ERC2: variants seen among roughly 807,000 people sequenced by gnomAD.
The protein encoded by ERC2 is ERC protein 2.
ERC2 carries 42 observed loss-of-function variants against 114.8 expected under a neutral mutation model. That is an observed-to-expected ratio of 0.37 (90% CI 0.29 to 0.47). The LOEUF (loss-of-function observed/expected upper bound fraction) is 0.47, where lower values mean the gene tolerates loss of function less well. Among genes scored for constraint, ERC2 ranks in the 20% least tolerant of loss-of-function variants. The probability of loss-of-function intolerance (pLI) is 0.99; values close to 1 mark genes in which losing one functional copy is unlikely to be tolerated. For synonymous variants in ERC2, 454 were observed against 425.5 expected (o/e 1.07, Z -0.82); for missense variants, 939 against 1,150.7 (o/e 0.82, Z 2.66).
At chr3:56,220,802 G>A (rs2049851385) in intron 3 of ERC2, among the ~76,000 whole-genome samples, 1 of 152,112 alleles carries the variant, frequency 6.6e-6, no homozygotes, top group African/African-American at 2.4e-5. Flanking sequence ...GTACACATCT[G>A]GTATTTCCTA....
chr3:56,150,010 T>C (rs2081336970), intron 4 of ERC2, among the ~76,000 whole-genome samples: 1 of 152,172 alleles, frequency 6.6e-6, no homozygotes, highest in Non-Finnish European at 1.5e-5. Flanking sequence ...ACAGTAAGTA[T>C]TAGGCTTCAA....
At chr3:56,173,673 T>G in intron 3 of ERC2, 153 bp from the exon 4 acceptor site, 1 of 624,414 alleles carries the variant, frequency 1.6e-6, no homozygotes, top group South Asian at 2.1e-5. Flanking sequence ...CTCTTTAGCA[T>G]CCCTCCTGCC....
chr3:56,368,297 G>T (rs551810963), intron 2 of ERC2, among the ~76,000 whole-genome samples: 1 of 151,284 alleles, frequency 6.6e-6, no homozygotes, highest in South Asian at 2.1e-4. Context: ...CAGACTATTT[G>T]CCACCTCTTT....
rs191594526 is a variant in ERC2 at position 56,381,558 on chromosome 3, T to C, written c.657+52793A>G. Among the ~76,000 whole-genome samples the C allele has an allele frequency of 1.6e-4, 24 of 151,894 alleles. No individual in the cohort carries two copies. The East Asian group carries it at 4.5e-3, about 28-fold the overall frequency. On this transcript the variant is annotated intron_variant, in intron 2 of 17. Coordinates refer to ENST00000288221, the MANE Select transcript of ERC2 (RefSeq NM_015576.3). Reference sequence around the variant, plus strand: ...GTTGTAATTTACTTTTAAAAAAAAATATGTTAGCCAGTTGCAGAGAATAGA... The same window carrying C: ...GTTGTAATTTACTTTTAAAAAAAAACATGTTAGCCAGTTGCAGAGAATAGA...
At chr3:56,301,270 A>C (rs2055856940) in intron 2 of ERC2, among the ~76,000 whole-genome samples, 1 of 152,212 alleles carries the variant, frequency 6.6e-6, no homozygotes, top group African/African-American at 2.4e-5. Flanking sequence ...TTTAGTGTTC[A>C]AAATTTTCTC....
At chr3:55,918,794 T>G (rs1224232477) in intron 13 of ERC2, among the ~76,000 whole-genome samples, 1 of 150,700 alleles carries the variant, frequency 6.6e-6, no homozygotes, top group African/African-American at 2.4e-5. Context: ...CATTCACTCA[T>G]TCTAGACATC....
chr3:56,024,652 G>A (rs1330992518), intron 7 of ERC2, among the ~76,000 whole-genome samples: 2 of 152,226 alleles, frequency 1.3e-5, no homozygotes, highest in Admixed American at 6.5e-5. Flanking sequence ...ATCTTCCATA[G>A]TGAGATGTTC....
intron 2 of ERC2, among the ~76,000 whole-genome samples, chr3:56,408,365 G>T (rs905122584): frequency 1.2e-4 from 19 of 152,304 alleles, no homozygotes; most frequent in Middle Eastern, 3.4e-3. Flanking sequence ...CAGAGCTGAA[G>T]GTTGCCAGTG....
At chr3:55,788,728 A>C (rs1356754022) in intron 14 of ERC2, among the ~76,000 whole-genome samples, 1 of 152,170 alleles carries the variant, frequency 6.6e-6, no homozygotes, top group Non-Finnish European at 1.5e-5. Flanking sequence ...TGGCCATCGA[A>C]GGTCAGCTCT....
intron 3 of ERC2, among the ~76,000 whole-genome samples, chr3:56,236,743 T>A (rs534993282): frequency 1.3e-5 from 2 of 152,260 alleles, no homozygotes; most frequent in East Asian, 3.9e-4. Context: ...AGAACTAACA[T>A]CTACTAAGTG....
At chr3:56,433,200 G>C (rs1026014422) in intron 2 of ERC2, among the ~76,000 whole-genome samples, 3 of 135,382 alleles carry the variant, frequency 2.2e-5, no homozygotes, top group Non-Finnish European at 5.1e-5. Context: ...AAAAGAGAGA[G>C]AGAGAGAGAG....
intron 13 of ERC2, among the ~76,000 whole-genome samples, chr3:55,943,149 T>C (rs1208364014): frequency 6.6e-6 from 1 of 152,160 alleles, no homozygotes; most frequent in East Asian, 1.9e-4. Flanking sequence ...TTTTGATGCA[T>C]GTTGAACACG....
intron 2 of ERC2, among the ~76,000 whole-genome samples, chr3:56,336,268 C>A (rs995835065): frequency 6.6e-6 from 1 of 152,088 alleles, no homozygotes; most frequent in Non-Finnish European, 1.5e-5. Flanking sequence ...TTTCTATGCA[C>A]GGGATTATTA....
chr3:56,052,414 G>C (rs536104824), intron 7 of ERC2, among the ~76,000 whole-genome samples: 5 of 152,188 alleles, frequency 3.3e-5, no homozygotes, highest in Non-Finnish European at 5.9e-5. Flanking sequence ...GCCAGTTTCC[G>C]GCCCACCACC....
At chr3:55,933,941 G>A (rs551200117) in intron 13 of ERC2, among the ~76,000 whole-genome samples, 242 of 152,268 alleles carry the variant, frequency 1.6e-3, no homozygotes, top group African/African-American at 5.6e-3. Flanking sequence ...GGCCACTTTG[G>A]TGCCTATGTG....
rs533843252 is a variant in ERC2 at position 56,037,255 on chromosome 3, G to A, written c.1642-18224C>T. ...AAGTTGAAGAATAATGAACTTCACT[G>A]CGCTAAAGGAGTATGTTCTAACCCA... On this transcript the variant is annotated intron_variant, in intron 7 of 17. Coordinates refer to ENST00000288221, the MANE Select transcript of ERC2 (RefSeq NM_015576.3). Among the ~76,000 whole-genome samples, 57 of 152,290 alleles carry A rather than the reference G, an allele frequency of 3.7e-4. No individual in the cohort carries two copies. In the South Asian group the frequency reaches 4.1e-3, roughly 11 times the overall value.
At chr3:55,888,343 G>A in intron 14 of ERC2, 46 bp downstream of exon 14, 3 of 1,603,912 alleles carry the variant, frequency 1.9e-6, no homozygotes, top group African/African-American at 1.3e-5. Context: ...CCACTCTCAA[G>A]AGAGGCTAGA....
At chr3:55,818,162 C>A (rs1575700525) in intron 14 of ERC2, among the ~76,000 whole-genome samples, 1 of 152,166 alleles carries the variant, frequency 6.6e-6, no homozygotes, top group Admixed American at 6.5e-5. Context: ...GGAGACCATA[C>A]CCTGAATGTT....
At chr3:55,933,408 T>G (rs985643081) in intron 13 of ERC2, among the ~76,000 whole-genome samples, 1 of 152,138 alleles carries the variant, frequency 6.6e-6, no homozygotes, top group African/African-American at 2.4e-5. Context: ...ACAATAAAGA[T>G]AGCAAACACA....
Sources: gnomAD v4.1 joint callset for allele counts (sites outside exome capture counted in the v4.1 genomes callset) on GRCh38, gnomAD v4.1.1 for gene constraint, MANE v1.5 for transcripts, NCBI Gene and HGNC (gene_info 2026-07-23, HGNC 2026-07-21) for gene names.